TDRD3: variants seen among roughly 807,000 people sequenced by gnomAD.
TDRD3 encodes tudor domain containing 3.
A neutral mutation model predicts 86.7 loss-of-function variants in TDRD3; 45 were observed. The ratio of observed to expected loss-of-function variants is 0.52; its 90% CI spans 0.41 to 0.67. TDRD3 has a LOEUF of 0.67. Ranked by LOEUF, TDRD3 falls within the 30% of genes least tolerant of loss-of-function variation. The pLI, the probability that TDRD3 is intolerant of heterozygous loss-of-function variation, is 0.00. For synonymous variants in TDRD3, 298 were observed against 301.7 expected, an observed-to-expected ratio of 0.99 and a Z score of 0.13; for missense variants, 814 against 889.0, an observed-to-expected ratio of 0.92 and a Z score of 1.07.
rs764507185 is a variant in TDRD3, at chr13:60,460,407, C to A, written c.220C>A (p.Gln74Lys). The change falls in exon 4 of 14, where the codon CAA (glutamine) becomes AAA (lysine). Residue 74 changes from glutamine to lysine, a missense_variant. By Grantham distance (53) the Gln-to-Lys change is moderately conservative (BLOSUM62 1). Transcript: ENST00000377881. Reference protein sequence around the residue: ...KLEGPCVLQIQKIRNVAAPKD... With the variant: ...KLEGPCVLQIKKIRNVAAPKD... Reference sequence around the variant, plus strand: ...CGAAGGTCCATGTGTTTTGCAAATTCAAAAAATTCGCAATGTTGCTGCACC... The same window carrying A: ...CGAAGGTCCATGTGTTTTGCAAATTAAAAAAATTCGCAATGTTGCTGCACC... 7 of 1,600,488 alleles carry A rather than the reference C, an allele frequency of 4.4e-6. No homozygotes were observed. The highest frequency in any genetic ancestry group is 3.4e-6 in the Non-Finnish European group (4 of 1,176,484).
intron 12 of TDRD3, among the ~76,000 whole-genome samples, chr13:60,543,947 G>A (rs1032110714): frequency 6.9e-6 from 1 of 145,792 alleles, no homozygotes; most frequent in African/African-American, 2.5e-5. Flanking sequence ...TCCCATTATC[G>A]TTTTTGTAAT....
intron 12 of TDRD3, 78 bp from the exon 13 acceptor site, chr13:60,567,447 T>G (rs1958486148): frequency 6.3e-7 from 1 of 1,588,434 alleles, no homozygotes; most frequent in East Asian, 2.2e-5. Context: ...ATTATTAAAA[T>G]AGGGACCATA....
chr13:60,509,612 G>A, intron 8 of TDRD3, 151 bp from the exon 9 acceptor site: 1 of 980,470 alleles, frequency 1.0e-6, no homozygotes, highest in Non-Finnish European at 1.5e-6. Flanking sequence ...CTTGCCTCTT[G>A]TAAAAAATCA....
At chr13:60,448,361 AT>A (rs1471104678) in intron 3 of TDRD3, among the ~76,000 whole-genome samples, 1 of 152,164 alleles carries the variant, frequency 6.6e-6, no homozygotes, top group Non-Finnish European at 1.5e-5. Flanking sequence ...ATCATTGATT[AT>A]TTTGGGAGAA....
chr13:60,487,245 C>T (rs1024775771), intron 7 of TDRD3, among the ~76,000 whole-genome samples: 9 of 152,118 alleles, frequency 5.9e-5, no homozygotes, highest in Non-Finnish European at 2.9e-5. Context: ...CCTGTAACCC[C>T]AGCACTGTGG....
intron 1 of TDRD3, among the ~76,000 whole-genome samples, chr13:60,404,960 G>A (rs1472003830): frequency 6.6e-6 from 1 of 152,216 alleles, no homozygotes; most frequent in Non-Finnish European, 1.5e-5. Flanking sequence ...TTTAAAAATG[G>A]GAGGTGCCCT....
chr13:60,424,108 G>A (rs770068922), intron 1 of TDRD3, among the ~76,000 whole-genome samples: 78 of 151,866 alleles, frequency 5.1e-4, no homozygotes, highest in Admixed American at 1.0e-3. Context: ...TGCAAGCTCC[G>A]CCTCCCGGGT....
At position 60,512,351 on chromosome 13, in the gene TDRD3, G is replaced by A. The variant is rs186062732; in HGVS notation, c.1141+1596G>A. Among the ~76,000 whole-genome samples the A allele has an allele frequency of 6.2e-3, 935 of 151,964 alleles. 14 individuals are homozygous for A. Among genetic ancestry groups the A allele is most frequent in the African/African-American group, 0.022 (897 of 41,422 alleles). On this transcript the variant is annotated intron_variant, in intron 10 of 13. Transcript: ENST00000377881. Reference sequence around the variant, plus strand: ...GGCATTCAAGATGAGATTTGGGTGGGGACACAGCCAAACCATATCGTTCCA... The same window carrying A: ...GGCATTCAAGATGAGATTTGGGTGGAGACACAGCCAAACCATATCGTTCCA...
At position 60,449,105 on chromosome 13, in the gene TDRD3, T is replaced by G. The variant is rs1380699374; in HGVS notation, c.192+4357T>G. ...TACTGACATCAACCACAAGATGGCT[T>G]CACTGCCTTAAAATTCAAAGTGAAG... is the stretch of plus-strand genomic sequence containing the variant. On this transcript the variant is annotated intron_variant, in intron 3 of 13. Coordinates refer to ENST00000377881, the MANE Select transcript of TDRD3 (RefSeq NM_001146070.2). Among the ~76,000 whole-genome samples, 3 of 152,128 alleles carry G rather than the reference T, an allele frequency of 2.0e-5. No homozygotes were observed. The South Asian group carries it at 6.2e-4, about 31-fold the overall frequency.
intron 1 of TDRD3, among the ~76,000 whole-genome samples, chr13:60,427,441 G>A (rs907804125): frequency 3.3e-5 from 5 of 152,134 alleles, no homozygotes; most frequent in Middle Eastern, 3.4e-3. Context: ...CTGCAGTTTC[G>A]TTTCTAATGC....
At chr13:60,470,142 T>C (rs562673135) in intron 5 of TDRD3, among the ~76,000 whole-genome samples, 1 of 152,332 alleles carries the variant, frequency 6.6e-6, no homozygotes, top group African/African-American at 2.4e-5. Context: ...TATATATCTT[T>C]TTTGTGCCTG....
Position 60,422,471 on chromosome 13 carries a change from ATAACTC to A in TDRD3, c.42-17213_42-17208del, listed in dbSNP as rs531136153. On this transcript the variant is annotated intron_variant, in intron 1 of 13. Transcript: ENST00000377881. ...TTTTTCCCCAAAACAACCGTGAACT[ATAACTC>A]TAAGTTCATACTCCAACAGAATTAA... Among the ~76,000 whole-genome samples, 591 of 152,306 alleles carry A rather than the reference ATAACTC, an allele frequency of 3.9e-3. 1 individual carries two copies. Among genetic ancestry groups the A allele is most frequent in the African/African-American group, 0.014 (565 of 41,572 alleles).
Position 60,486,067 on chromosome 13 carries a change from C to T in TDRD3, c.717+119C>T, listed in dbSNP as rs182596579. The T allele has an allele frequency of 7.9e-6, 8 of 1,012,968 alleles. No individual in the cohort carries two copies. The Admixed American group carries it at 2.7e-4, about 34-fold the overall frequency. 62.7% of individuals were successfully genotyped at this position (1,012,968 alleles called of 1,614,324 possible). On this transcript the variant is annotated intron_variant, in intron 7 of 13. Transcript: ENST00000377881. ...AATTCAACAAACGCTTAACCTTATT[C>T]TTCTTGCATATTCCATAACTGGGAA...
At chr13:60,471,517 A>G (rs945705466) in intron 5 of TDRD3, among the ~76,000 whole-genome samples, 2 of 150,872 alleles carry the variant, frequency 1.3e-5, no homozygotes, top group East Asian at 1.9e-4. Context: ...CTTATGAATT[A>G]TAGGATAGAT....
intron 12 of TDRD3, among the ~76,000 whole-genome samples, chr13:60,543,188 A>G (rs1157203904): frequency 6.6e-6 from 1 of 152,222 alleles, no homozygotes; most frequent in Non-Finnish European, 1.5e-5. Flanking sequence ...TAGTTTAATA[A>G]GAGTAAACAT....
At chr13:60,524,169 G>C (rs928121844) in intron 10 of TDRD3, among the ~76,000 whole-genome samples, 9 of 152,018 alleles carry the variant, frequency 5.9e-5, no homozygotes, top group African/African-American at 2.2e-4. Context: ...GGGAACCAAG[G>C]AGCTGCCTTT....
chr13:60,448,044 AGAGAC>A (rs1227731540), intron 3 of TDRD3, among the ~76,000 whole-genome samples: 1 of 152,188 alleles, frequency 6.6e-6, no homozygotes, highest in Non-Finnish European at 1.5e-5. Context: ...AAAGGAGTGT[AGAGAC>A]GAGTCTTCAA....
Position 60,568,002 on chromosome 13 carries a change from G to A in TDRD3, c.*9+352G>A, listed in dbSNP as rs145102458. Among the ~76,000 whole-genome samples, 604 of 151,882 alleles carry A rather than the reference G, an allele frequency of 4.0e-3. 3 individuals carry two copies. Among genetic ancestry groups the A allele is most frequent in the African/African-American group, 0.014 (561 of 41,406 alleles). On this transcript the variant is annotated intron_variant, in intron 13 of 13. Transcript: ENST00000377881. The stretch of plus-strand genomic sequence containing the variant: ...TCCACCTGCCTTGGCCTCCCAAAGT[G>A]CTGGGATTACAGGAGTGAGCCACCA...
At chr13:60,524,847 C>T (rs952280210) in intron 10 of TDRD3, among the ~76,000 whole-genome samples, 22 of 151,514 alleles carry the variant, frequency 1.5e-4, no homozygotes, top group African/African-American at 3.4e-4. Context: ...ACCTGTAATC[C>T]GAGCACTTTG....
Sources: gnomAD v4.1 joint callset for allele counts (sites outside exome capture counted in the v4.1 genomes callset) on GRCh38, gnomAD v4.1.1 for gene constraint, MANE v1.5 for transcripts, NCBI Gene and HGNC (gene_info 2026-07-23, HGNC 2026-07-21) for gene names.